KCTD16: variants seen among roughly 807,000 people sequenced by gnomAD.
KCTD16 encodes the protein BTB/POZ domain-containing protein KCTD16.
In KCTD16, 13 loss-of-function variants were observed where a neutral mutation model predicts 33.2. The observed-to-expected ratio is 0.39, with a 90% CI of 0.25 to 0.62. KCTD16 has a LOEUF of 0.62. Ranked by LOEUF, KCTD16 falls within the 20% of genes least tolerant of loss-of-function variation. The pLI is 0.50. For missense variants in KCTD16, 441 were observed against 525.1 expected, an observed-to-expected ratio of 0.84 and a Z score of 1.57; for synonymous variants, 197 against 195.3, an observed-to-expected ratio of 1.01 and a Z score of -0.07.
Position 144,308,896 on chromosome 5 carries a change from C to A in KCTD16, c.832+101350C>A, listed in dbSNP as rs554731977. On this transcript the variant is annotated intron_variant, in intron 3 of 3. Coordinates refer to ENST00000512467, the MANE Select transcript of KCTD16 (RefSeq NM_020768.4). The stretch of plus-strand genomic sequence containing the variant: ...AAGAGTATTATATTGAGCACCTAGT[C>A]AGTGTTGAGCATGGGGTCTCATTCC... Among the ~76,000 whole-genome samples the A allele has an allele frequency of 2.0e-5, 3 of 151,940 alleles. No homozygotes were observed. In the South Asian group the frequency reaches 6.3e-4, roughly 32 times the overall value.
chr5:144,301,195 C>G (rs559062831), intron 3 of KCTD16, among the ~76,000 whole-genome samples: 1 of 143,748 alleles, frequency 7.0e-6, no homozygotes, highest in African/African-American at 2.6e-5. Context: ...GAGCTGAGAT[C>G]GCACCATTGC....
At chr5:144,388,967 A>T (rs541482279) in intron 3 of KCTD16, among the ~76,000 whole-genome samples, 1 of 152,290 alleles carries the variant, frequency 6.6e-6, no homozygotes, top group African/African-American at 2.4e-5. Flanking sequence ...AAAAGTAAGT[A>T]AGGGTGATGT....
chr5:144,384,726 C>T (rs547025904), intron 3 of KCTD16, among the ~76,000 whole-genome samples: 1 of 152,140 alleles, frequency 6.6e-6, no homozygotes, highest in Admixed American at 6.5e-5. Flanking sequence ...ATGTAGAGAC[C>T]AAATGCTACA....
At chr5:144,299,092 C>CTTTTT (rs1756139142) in intron 3 of KCTD16, among the ~76,000 whole-genome samples, 1 of 13,316 alleles carries the variant, frequency 7.5e-5, no homozygotes, top group South Asian at 2.1e-3. Flanking sequence ...ATATATATCA[C>CTTTTT]TATGTATATA....
intron 3 of KCTD16, among the ~76,000 whole-genome samples, chr5:144,321,714 T>C (rs1267452746): frequency 6.6e-6 from 1 of 152,170 alleles, no homozygotes; most frequent in Admixed American, 6.5e-5. Flanking sequence ...AGTGTTACAT[T>C]AATAATTTCA....
intron 3 of KCTD16, among the ~76,000 whole-genome samples, chr5:144,400,919 A>C (rs1458943103): frequency 6.6e-6 from 1 of 152,148 alleles, no homozygotes; most frequent in Non-Finnish European, 1.5e-5. Flanking sequence ...GGGAACAATA[A>C]GTGCAAAGGC....
chr5:144,332,321 G>C (rs987234938), intron 3 of KCTD16, among the ~76,000 whole-genome samples: 78 of 152,206 alleles, frequency 5.1e-4, no homozygotes, highest in Non-Finnish European at 9.6e-4. Context: ...CAAGGCGCAG[G>C]GGGCCTGGAG....
chr5:144,394,478 C>G (rs962458298), intron 3 of KCTD16, among the ~76,000 whole-genome samples: 1 of 152,194 alleles, frequency 6.6e-6, no homozygotes, highest in African/African-American at 2.4e-5. Flanking sequence ...GAAAACTGAA[C>G]TGGACATGAC....
intron 2 of KCTD16, among the ~76,000 whole-genome samples, chr5:144,187,288 T>C (rs1264035425): frequency 6.6e-6 from 1 of 152,220 alleles, no homozygotes; most frequent in African/African-American, 2.4e-5. Context: ...ACTATGCATA[T>C]TGAATGCAAA....
At chr5:144,424,535 G>A (rs981585590) in intron 3 of KCTD16, among the ~76,000 whole-genome samples, 3 of 152,128 alleles carry the variant, frequency 2.0e-5, no homozygotes, top group Non-Finnish European at 4.4e-5. Context: ...CCTCAGCTAT[G>A]GCCACTCTGT....
intron 3 of KCTD16, among the ~76,000 whole-genome samples, chr5:144,336,871 A>G (rs1443227399): frequency 6.6e-6 from 1 of 151,976 alleles, no homozygotes; most frequent in African/African-American, 2.4e-5. Flanking sequence ...TCATGAAACT[A>G]CCTGGAAGGT....
chr5:144,435,236 C>G (rs576462342), intron 3 of KCTD16, among the ~76,000 whole-genome samples: 1 of 152,276 alleles, frequency 6.6e-6, no homozygotes, highest in Admixed American at 6.5e-5. Context: ...GGCGTTTTAC[C>G]TGTCTGTAAA....
At chr5:144,292,403 A>G (rs1755919081) in intron 3 of KCTD16, among the ~76,000 whole-genome samples, 1 of 152,172 alleles carries the variant, frequency 6.6e-6, no homozygotes, top group Non-Finnish European at 1.5e-5. Flanking sequence ...CAATGTAGGA[A>G]TTTATTGTAG....
intron 3 of KCTD16, among the ~76,000 whole-genome samples, chr5:144,440,232 AAC>A (rs1224233456): frequency 6.6e-6 from 1 of 152,174 alleles, no homozygotes; most frequent in Admixed American, 6.6e-5. Context: ...ATCTGTTGAA[AAC>A]ACAGGCTGTT....
In KCTD16 at chr5:144,211,658, G is replaced by A. The variant is rs369512865; in HGVS notation, c.832+4112G>A. 5.3e-5 allele frequency among the ~76,000 whole-genome samples: 8 copies of A among 152,196 alleles called. No homozygotes were observed. The East Asian group carries it at 1.5e-3, about 29-fold the overall frequency. ...TAAAATCTGAAAAAATCCAAAATCT[G>A]AAACATGTCCAGTTCAGGCATTTTG... is the stretch of plus-strand genomic sequence containing the variant. On this transcript the variant is annotated intron_variant, in intron 3 of 3. Transcript: ENST00000512467.
At chr5:144,193,262 T>C (rs1030109768) in intron 2 of KCTD16, among the ~76,000 whole-genome samples, 2 of 152,202 alleles carry the variant, frequency 1.3e-5, no homozygotes, top group Non-Finnish European at 2.9e-5. Flanking sequence ...TGACTTCCCA[T>C]AACACATAGA....
chr5:144,281,854 A>G (rs1212195150), intron 3 of KCTD16, among the ~76,000 whole-genome samples: 1 of 152,100 alleles, frequency 6.6e-6, no homozygotes, highest in African/African-American at 2.4e-5. Context: ...TGCTTCATGT[A>G]TTTTGAATAT....
At chr5:144,413,951 C>G (rs1242645463) in intron 3 of KCTD16, among the ~76,000 whole-genome samples, 1 of 152,124 alleles carries the variant, frequency 6.6e-6, no homozygotes, top group Non-Finnish European at 1.5e-5. Flanking sequence ...ATTGCAGAGT[C>G]CTCATCTGTG....
intron 3 of KCTD16, among the ~76,000 whole-genome samples, chr5:144,266,678 T>C (rs1426496507): frequency 6.6e-6 from 1 of 152,218 alleles, no homozygotes; most frequent in Non-Finnish European, 1.5e-5. Flanking sequence ...ACAAATGAGT[T>C]TGTTGTAATT....
Sources: gnomAD v4.1 joint callset for allele counts (sites outside exome capture counted in the v4.1 genomes callset) on GRCh38, gnomAD v4.1.1 for gene constraint, MANE v1.5 for transcripts, NCBI Gene and HGNC (gene_info 2026-07-23, HGNC 2026-07-21) for gene names.